SLC35F3: variants seen among roughly 807,000 people sequenced by gnomAD.
SLC35F3 encodes the protein solute carrier family 35 member F3.
A neutral mutation model predicts 49.9 loss-of-function variants in SLC35F3; 25 were observed. The ratio of observed to expected loss-of-function variants is 0.50; its 90% confidence interval spans 0.37 to 0.70. SLC35F3 has a LOEUF of 0.70. Ranked by LOEUF, SLC35F3 falls within the 30% of genes least tolerant of loss-of-function variation. The pLI is 0.00. For synonymous variants in SLC35F3, 275 were observed against 265.4 expected, an observed-to-expected ratio of 1.04 and a Z score of -0.35; for missense variants, 525 against 639.8, an observed-to-expected ratio of 0.82 and a Z score of 1.94.
At chr1:234,184,138 TA>T (rs869152169) in intron 2 of SLC35F3, among the ~76,000 whole-genome samples, 406 of 148,060 alleles carry the variant, frequency 2.7e-3, no homozygotes, top group African/African-American at 8.8e-3. Context: ...ACAGTTTTTT[TA>T]AAAAAAAAAA....
At chr1:234,183,135 G>A (rs1666587102) in intron 2 of SLC35F3, among the ~76,000 whole-genome samples, 1 of 142,684 alleles carries the variant, frequency 7.0e-6, no homozygotes, top group South Asian at 2.5e-4. Flanking sequence ...TCATGCCTCA[G>A]CCTCCTGAGT....
chr1:233,949,020 A>G (rs1662561863), intron 2 of SLC35F3, among the ~76,000 whole-genome samples: 1 of 151,740 alleles, frequency 6.6e-6, no homozygotes, highest in South Asian at 2.1e-4. Context: ...AGAGCCCCCA[A>G]CCTCCCATTC....
chr1:233,915,641 A>G (rs140174942), intron 2 of SLC35F3, among the ~76,000 whole-genome samples: 2 of 152,318 alleles, frequency 1.3e-5, no homozygotes, highest in African/African-American at 4.8e-5. Context: ...TAATAAAGAC[A>G]TATCTGAGAT....
intron 3 of SLC35F3, among the ~76,000 whole-genome samples, chr1:234,275,564 T>C (rs1427401387): frequency 1.3e-5 from 2 of 150,298 alleles, no homozygotes; most frequent in Non-Finnish European, 3.0e-5. Context: ...GGTTGGCTTG[T>C]AGGTAGGTAG....
At chr1:234,319,540 A>G (rs1572151674) in intron 6 of SLC35F3, among the ~76,000 whole-genome samples, 1 of 152,064 alleles carries the variant, frequency 6.6e-6, no homozygotes. Flanking sequence ...TCATCTCCAT[A>G]AACATTTAAA....
chr1:234,154,041 A>G (rs1315454487), intron 2 of SLC35F3, among the ~76,000 whole-genome samples: 3 of 151,658 alleles, frequency 2.0e-5, no homozygotes, highest in Non-Finnish European at 4.4e-5. Context: ...CAGCCTGGGC[A>G]ACAGAGCGAG....
chr1:233,912,217 T>C (rs575333163), intron 2 of SLC35F3, among the ~76,000 whole-genome samples: 251 of 152,286 alleles, frequency 1.6e-3, no homozygotes, highest in Admixed American at 7.3e-3. Flanking sequence ...CGGTGGCTCA[T>C]GCCTGTAATC....
chr1:234,155,486 T>G (rs1357802401), intron 2 of SLC35F3, among the ~76,000 whole-genome samples: 1 of 152,062 alleles, frequency 6.6e-6, no homozygotes, highest in East Asian at 1.9e-4. Context: ...CTTGGCTCAC[T>G]GCAACTTCTG....
rs74368374 is a variant in SLC35F3 at position 234,167,981 on chromosome 1, G to A, written c.284-63436G>A. Among the ~76,000 whole-genome samples the A allele has an allele frequency of 7.4e-3, 1,128 of 152,304 alleles. 21 individuals carry two copies. Among genetic ancestry groups the A allele is most frequent in the African/African-American group, 0.025 (1,057 of 41,558 alleles). On this transcript the variant is annotated intron_variant, in intron 2 of 7. Transcript: ENST00000366618. The stretch of plus-strand genomic sequence containing the variant: ...CCTGTTAGAACTACTTAGCTTTGCC[G>A]TGCCATTGTAGCCCAAGAGTAGTCA...
chr1:233,964,806 G>A (rs1662874905), intron 2 of SLC35F3, among the ~76,000 whole-genome samples: 3 of 152,214 alleles, frequency 2.0e-5, no homozygotes, highest in Non-Finnish European at 2.9e-5. Context: ...CATCCTGGGT[G>A]TTATCATTGT....
chr1:233,983,171 T>C (rs12144766), intron 2 of SLC35F3, among the ~76,000 whole-genome samples: 20,509 of 151,602 alleles, frequency 0.14, 1,772 homozygotes, highest in Admixed American at 0.22. Flanking sequence ...AAGTCCTCCC[T>C]CTGCCGCCCT....
intron 2 of SLC35F3, among the ~76,000 whole-genome samples, chr1:234,062,505 T>C (rs1313180299): frequency 2.0e-5 from 3 of 152,250 alleles, no homozygotes; most frequent in Non-Finnish European, 4.4e-5. Context: ...TCTCCTTCCT[T>C]GGACCTCTCT....
At chr1:234,147,074 G>C (rs935251140) in intron 2 of SLC35F3, among the ~76,000 whole-genome samples, 7 of 151,990 alleles carry the variant, frequency 4.6e-5, no homozygotes, top group Non-Finnish European at 1.0e-4. Flanking sequence ...CTAGTTCCTT[G>C]GTGAGTAATC....
At chr1:234,025,553 C>T (rs1347557969) in intron 2 of SLC35F3, among the ~76,000 whole-genome samples, 4 of 152,176 alleles carry the variant, frequency 2.6e-5, no homozygotes, top group African/African-American at 9.7e-5. Flanking sequence ...TTTTGATTTG[C>T]ATTGCTCTAA....
chr1:233,965,841 T>G (rs555827618), intron 2 of SLC35F3, among the ~76,000 whole-genome samples: 4 of 152,356 alleles, frequency 2.6e-5, no homozygotes, highest in African/African-American at 9.6e-5. Flanking sequence ...TAAACCTCTA[T>G]GTAGGGGTAA....
In SLC35F3 at chr1:234,214,532, A is replaced by G; in HGVS notation, c.284-16885A>G. ...GCACTCGGCCCGGGTGGCCCCGCTC[A>G]GCGCCTGCAACAGTCCGGTCCTGAC... On this transcript the variant is annotated intron_variant, in intron 2 of 7. Coordinates refer to ENST00000366618, the MANE Select transcript of SLC35F3 (RefSeq NM_173508.4). This position sits in a 1 kb window ranked among gnomAD's most constrained non-coding sequence, Gnocchi z 8.0. 6.4e-7 allele frequency: 1 copy of G among 1,557,378 alleles called. No individual in the cohort carries two copies. The highest frequency in any genetic ancestry group is 8.7e-7 in the Non-Finnish European group (1 of 1,154,274).
intron 2 of SLC35F3, among the ~76,000 whole-genome samples, chr1:234,193,291 A>G (rs1666756669): frequency 6.6e-6 from 1 of 152,186 alleles, no homozygotes; most frequent in South Asian, 2.1e-4. Context: ...GTAAACCCAA[A>G]TACTTATAGC....
intron 2 of SLC35F3, among the ~76,000 whole-genome samples, chr1:233,910,204 CTT>C (rs1331173563): frequency 6.6e-6 from 1 of 152,208 alleles, no homozygotes; most frequent in Non-Finnish European, 1.5e-5. Flanking sequence ...ATATCTTCTG[CTT>C]CCTTTTCCTT....
intron 2 of SLC35F3, among the ~76,000 whole-genome samples, chr1:234,108,399 T>C (rs60769860): frequency 1.1e-5 from 1 of 92,856 alleles, no homozygotes; most frequent in Non-Finnish European, 2.0e-5. Flanking sequence ...AGATATATAT[T>C]TATATATATG....
Sources: gnomAD v4.1 joint callset for allele counts (sites outside exome capture counted in the v4.1 genomes callset) on GRCh38, gnomAD v4.1.1 for gene constraint, Gnocchi (gnomAD v3.1) non-coding constraint, MANE v1.5 for transcripts, NCBI Gene and HGNC (gene_info 2026-07-23, HGNC 2026-07-21) for gene names.